USP9X: variants seen among roughly 807,000 people sequenced by gnomAD.
USP9X encodes ubiquitin carboxyl-terminal hydrolase 9X.
USP9X carries 7 observed loss-of-function variants against 190.3 expected under a neutral mutation model. The ratio of observed to expected loss-of-function variants is 0.04; its 90% CI spans 0.02 to 0.07. The LOEUF is 0.07. Ranked by LOEUF, USP9X falls within the 10% of genes least tolerant of loss-of-function variation. The pLI is 1.00. For synonymous variants in USP9X, 645 were observed against 659.5 expected, an observed-to-expected ratio of 0.98 and a Z score of 0.34; for missense variants, 1,010 against 1,916.9, an observed-to-expected ratio of 0.53 and a Z score of 8.83.
At chrX:41,231,346 G>A (rs926837348) in intron 44 of USP9X, among the ~76,000 whole-genome samples, 10 of 111,947 alleles carry the variant, frequency 8.9e-5, no homozygotes, top group Middle Eastern at 4.6e-3. Flanking sequence ...AAACATTTCA[G>A]GCATTCTTTC....
intron 18 of USP9X, among the ~76,000 whole-genome samples, chrX:41,169,348 T>A: frequency 8.9e-6 from 1 of 112,037 alleles, no homozygotes; most frequent in Non-Finnish European, 1.9e-5. Context: ...TATCTTGGAT[T>A]TAATTTCATT....
intron 38 of USP9X, among the ~76,000 whole-genome samples, chrX:41,222,371 C>T (rs989913149): frequency 1.0e-5 from 1 of 100,056 alleles, no homozygotes; most frequent in African/African-American, 3.5e-5. Flanking sequence ...GGTTTGAGAA[C>T]TGCTCCTTAG....
Position 41,148,845 on chromosome X carries a change from C to T in USP9X, c.1626+270C>T, listed in dbSNP as rs5918124. Among the ~76,000 whole-genome samples, 1,100 of 111,521 alleles carry T rather than the reference C, an allele frequency of 9.9e-3. 10 individuals are homozygous for T. Among genetic ancestry groups the T allele is most frequent in the Non-Finnish European group, 0.017 (894 of 53,053 alleles). On this transcript the variant is annotated intron_variant, in intron 12 of 44. Coordinates refer to ENST00000378308, the MANE Select transcript of USP9X (RefSeq NM_001039591.3). The stretch of plus-strand genomic sequence containing the variant: ...TATCAAGTGTATGGTTCTGAAATGC[C>T]GTTTCGAATAGAATTCGAATGTTAA...
chrX:41,141,404 A>G lies in USP9X; in HGVS notation c.1134A>G (p.Glu378=), dbSNP rs1361936573. 2.5e-6 allele frequency: 3 copies of G among 1,197,814 alleles called. No individual in the cohort carries two copies. The highest frequency in any genetic ancestry group is 3.4e-6 in the Non-Finnish European group (3 of 889,709). Residue 378 remains glutamate, a synonymous_variant, in exon 9 of 45, where the codon GAA becomes GAG. Transcript: ENST00000378308. The part of the protein sequence containing the change: ...YTHRHGNPEE[E]EWLTAERMAE... ...ATCGACATGGTAATCCTGAGGAGGA[A>G]GAGTGGCTCACAGCTGAACGAATGG...
Position 41,085,690 on chromosome X carries a change from C to T in USP9X, c.-578C>T, listed in dbSNP as rs2061903656. On this transcript the variant is annotated 5_prime_UTR_variant, in exon 1 of 45. Coordinates refer to ENST00000378308, the MANE Select transcript of USP9X (RefSeq NM_001039591.3). ...GGCGCCGGGAGCGAGGAGCGAGCTACTTCAAAGCCACCAGGCCTGGAGCGG... is the reference window on the plus strand; with the variant it reads ...GGCGCCGGGAGCGAGGAGCGAGCTATTTCAAAGCCACCAGGCCTGGAGCGG... 1.0e-5 allele frequency: 3 copies of T among 295,151 alleles called. No homozygotes were observed. Among genetic ancestry groups the T allele is most frequent in the Non-Finnish European group, 1.8e-5 (3 of 169,549 alleles). 24.3% of individuals were successfully genotyped at this position (295,151 alleles called of 1,213,427 possible).
In USP9X at chrX:41,196,648, C is replaced by A; in HGVS notation, c.4143C>A (p.His1381Gln). The change falls in exon 28 of 45, where the codon CAC becomes CAA. Residue 1381 changes from histidine (H) to glutamine (Q), a missense_variant. By Grantham distance (24) the His-to-Gln change is conservative (BLOSUM62 0). Around this residue, in one of 11 missense-constraint regions of USP9X, gnomAD observed 351 missense variants for 480.8 expected, o/e 0.73. Transcript: ENST00000378308. ...GCGACTACTTTACTCTTTTAAGACA[C>A]CTTCTTAATTACGCTTACAATAGTA... The part of the protein sequence containing the change: ...HSGDYFTLLR[H>Q]LLNYAYNSNI... 1 of 1,203,761 alleles carries A rather than the reference C, an allele frequency of 8.3e-7. No individual in the cohort carries two copies. Among genetic ancestry groups the A allele is most frequent in the Non-Finnish European group, 1.1e-6 (1 of 889,542 alleles).
chrX:41,205,828 A>AG (rs1339476819), intron 32 of USP9X, among the ~76,000 whole-genome samples: 2 of 108,731 alleles, frequency 1.8e-5, no homozygotes, highest in Admixed American at 2.0e-4. Flanking sequence ...ACTTGTGGCC[A>AG]GCCTCATTTA....
At chrX:41,195,008 A>G (rs889683605) in intron 26 of USP9X, among the ~76,000 whole-genome samples, 2 of 110,848 alleles carry the variant, frequency 1.8e-5, no homozygotes, top group Non-Finnish European at 3.8e-5. Flanking sequence ...TCAGAGAGAA[A>G]ATATGGTATT....
intron 11 of USP9X, 104 bp downstream of exon 11, chrX:41,144,730 A>AT (rs1462018387): frequency 1.5e-6 from 1 of 648,077 alleles, no homozygotes; most frequent in African/African-American, 2.2e-5. Context: ...TAGAAATCCC[A>AT]TTAAACAGTC....
At chrX:41,100,098 C>T (rs2062023910) in intron 1 of USP9X, among the ~76,000 whole-genome samples, 1 of 111,893 alleles carries the variant, frequency 8.9e-6, no homozygotes, top group Non-Finnish European at 1.9e-5. Flanking sequence ...CAGTATATCC[C>T]ATTCTAATTT....
rs1220207277 is a variant in USP9X at position 41,233,407 on chromosome X, A to G, written c.*883A>G. 1.8e-5 allele frequency: 2 copies of G among 112,645 alleles called. No homozygotes were observed. The highest frequency in any genetic ancestry group is 9.4e-5 in the Admixed American group (1 of 10,588). The allele number at this position is 112,645 out of a possible 1,213,427, so 9.3% of individuals were successfully genotyped here. On this transcript the variant is annotated 3_prime_UTR_variant, in exon 45 of 45. Coordinates refer to ENST00000378308, the MANE Select transcript of USP9X (RefSeq NM_001039591.3). Reference sequence around the variant, plus strand: ...TGGGTGGAATAAAGAACACTTACGTATCAGTAATGGGAATTTTTAAAGATT... The same window carrying G: ...TGGGTGGAATAAAGAACACTTACGTGTCAGTAATGGGAATTTTTAAAGATT...
chrX:41,135,662 ACT>A (rs1436624678), intron 5 of USP9X, among the ~76,000 whole-genome samples: 4 of 111,489 alleles, frequency 3.6e-5, no homozygotes, highest in Non-Finnish European at 7.5e-5. Context: ...ACGGAGTCTC[ACT>A]CTGTCTCCCA....
At chrX:41,226,998 TA>T in intron 41 of USP9X, among the ~76,000 whole-genome samples, 1 of 111,689 alleles carries the variant, frequency 9.0e-6, no homozygotes, top group East Asian at 2.8e-4. Context: ...TTAAACCAGT[TA>T]ATCACATCTT....
intron 41 of USP9X, among the ~76,000 whole-genome samples, chrX:41,225,400 C>T (rs2063303778): frequency 8.9e-6 from 1 of 111,948 alleles, no homozygotes; most frequent in Admixed American, 9.5e-5. Context: ...GAGGAGCTAG[C>T]TTGGGCATTT....
chrX:41,183,337 A>T (rs1018572181), intron 21 of USP9X, among the ~76,000 whole-genome samples: 1 of 111,481 alleles, frequency 9.0e-6, no homozygotes, highest in Non-Finnish European at 1.9e-5. Context: ...TAGATCATCA[A>T]AATACTTTCC....
intron 1 of USP9X, among the ~76,000 whole-genome samples, chrX:41,115,632 A>G (rs12689801): frequency 0.19 from 21,630 of 111,658 alleles, 1,594 homozygotes; most frequent in Admixed American, 0.27. Context: ...GTAATGTTCC[A>G]CAAAAGCAGA....
chrX:41,197,617 C>G (rs2062997189), intron 29 of USP9X, 107 bp downstream of exon 29: 10 of 710,091 alleles, frequency 1.4e-5, no homozygotes, highest in Non-Finnish European at 1.9e-5. Context: ...CTTTCTTGAT[C>G]TTTTCTCTTT....
chrX:41,222,422 G>A (rs1249658620), intron 38 of USP9X, among the ~76,000 whole-genome samples: 2 of 111,821 alleles, frequency 1.8e-5, no homozygotes, highest in Admixed American at 9.5e-5. Context: ...ATTGGCATGA[G>A]TTGAGGAATA....
chrX:41,209,106 T>G (rs906723089), intron 32 of USP9X, among the ~76,000 whole-genome samples: 1 of 111,813 alleles, frequency 8.9e-6, no homozygotes, highest in African/African-American at 3.2e-5. Context: ...AATAAGGCAA[T>G]TTTCCTACTT....
Sources: gnomAD v4.1 joint callset for allele counts (sites outside exome capture counted in the v4.1 genomes callset) on GRCh38, gnomAD v4.1.1 for gene constraint, gnomAD v4.1.1 regional missense constraint, MANE v1.5 for transcripts, NCBI Gene and HGNC (gene_info 2026-07-23, HGNC 2026-07-21) for gene names.